The following DNAH14 variants were observed in gnomAD, a reference collection of about 807,000 sequenced individuals.
DNAH14 encodes axonemal beta dynein heavy chain 14.
In DNAH14, 478 loss-of-function variants were observed where a neutral mutation model predicts 520.9. That is an observed-to-expected ratio of 0.92 (90% CI 0.85 to 0.99). The LOEUF (loss-of-function observed/expected upper bound fraction) is 0.99, where lower values mean the gene tolerates loss of function less well. Among genes scored for constraint, DNAH14 ranks in the 50% least tolerant of loss-of-function variants. The probability of loss-of-function intolerance (pLI) is 0.00; values close to 1 mark genes in which losing one functional copy is unlikely to be tolerated. For missense variants in DNAH14, 4,831 were observed against 5,234.5 expected (o/e 0.92, Z 2.38); for synonymous variants, 1,581 against 1,757.2 (o/e 0.90, Z 2.51).
intron 27 of DNAH14, among the ~76,000 whole-genome samples, chr1:225,124,359 G>C (rs2077528320): frequency 6.6e-6 from 1 of 152,138 alleles, no homozygotes; most frequent in Admixed American, 6.5e-5. Flanking sequence ...CTAGCACTTT[G>C]CCCACAATGG....
chr1:225,202,290 G>A (rs756406960), intron 38 of DNAH14, among the ~76,000 whole-genome samples: 2 of 152,194 alleles, frequency 1.3e-5, no homozygotes, highest in South Asian at 4.1e-4. Flanking sequence ...CTACCAGGGT[G>A]GGTAGGGAAG....
Position 225,333,330 on chromosome 1 carries a change from T to C in DNAH14, c.9904T>C (p.Leu3302=), listed in dbSNP as rs1425207283. The C allele has an allele frequency of 1.3e-6, 2 of 1,551,610 alleles. No individual in the cohort carries two copies. Among genetic ancestry groups the C allele is most frequent in the Non-Finnish European group, 1.7e-6 (2 of 1,146,846 alleles). The change falls in exon 66 of 86, where the codon TTA becomes CTA. Residue 3302 remains leucine (L), a synonymous_variant. Transcript: ENST00000682510. The part of the protein sequence containing the change: ...QETINQIDNK[L]EGILGDILLS... Reference sequence around the variant, plus strand: ...AACAATCAATCAAATAGATAACAAATTAGAAGGAATTTTGGGTGACATACT... The same window carrying C: ...AACAATCAATCAAATAGATAACAAACTAGAAGGAATTTTGGGTGACATACT...
At chr1:225,247,356 C>A (rs2092344110) in intron 43 of DNAH14, among the ~76,000 whole-genome samples, 1 of 152,144 alleles carries the variant, frequency 6.6e-6, no homozygotes, top group East Asian at 1.9e-4. Context: ...AACAAACCTG[C>A]ACATTCTGCA....
At chr1:225,040,161 G>C (rs540221823) in intron 12 of DNAH14, among the ~76,000 whole-genome samples, 70 of 151,942 alleles carry the variant, frequency 4.6e-4, no homozygotes, top group Non-Finnish European at 8.1e-4. Context: ...GGATGGTCTT[G>C]ATCTCCTGAC....
At chr1:224,975,667 C>CA (rs1008823818) in intron 8 of DNAH14, among the ~76,000 whole-genome samples, 5 of 151,226 alleles carry the variant, frequency 3.3e-5, no homozygotes, top group East Asian at 3.9e-4. Context: ...TTGATCCTTT[C>CA]AAAAAACCAG....
rs535375763 is a variant in DNAH14, at chr1:225,338,123, A to C, written c.10374A>C (p.Lys3458Asn). The change falls in exon 68 of 86, where the codon AAA (lysine) becomes AAC (asparagine). Residue 3458 changes from lysine (K) to asparagine (N), a missense_variant. By Grantham distance (94) the Lys-to-Asn change is moderately conservative. Coordinates refer to ENST00000682510, the MANE Select transcript of DNAH14 (RefSeq NM_001367479.1). Reference protein sequence around the residue: ...KAILKKDIYQKKGHYFIRVGD... With the variant: ...KAILKKDIYQNKGHYFIRVGD... ...TTCTGAAAAAGGATATCTATCAGAA[A>C]AAAGGACACTATTTCATAAGGGTTG... is the stretch of plus-strand genomic sequence containing the variant. 42 of 1,551,756 alleles carry C rather than the reference A, an allele frequency of 2.7e-5. No homozygotes were observed. Among genetic ancestry groups the C allele is most frequent in the Non-Finnish European group, 3.6e-5 (41 of 1,146,994 alleles).
intron 73 of DNAH14, among the ~76,000 whole-genome samples, chr1:225,355,674 A>C (rs999190339): frequency 6.6e-6 from 1 of 152,206 alleles, no homozygotes. Flanking sequence ...TTAAAAAAAT[A>C]TATGTATACA....
intron 36 of DNAH14, among the ~76,000 whole-genome samples, chr1:225,179,375 A>G (rs1355508978): frequency 6.6e-6 from 1 of 151,956 alleles, no homozygotes; most frequent in Admixed American, 6.6e-5. Flanking sequence ...CTTTTTATTT[A>G]TAGTGTATCT....
intron 11 of DNAH14, among the ~76,000 whole-genome samples, chr1:225,025,438 T>G (rs2066028538): frequency 6.7e-6 from 1 of 149,516 alleles, no homozygotes; most frequent in South Asian, 2.1e-4. Context: ...CCAACAGAGG[T>G]TGAATAAATT....
intron 81 of DNAH14, among the ~76,000 whole-genome samples, chr1:225,385,479 C>G (rs1441150985): frequency 6.6e-6 from 1 of 152,036 alleles, no homozygotes. Flanking sequence ...TCTAGAAAAC[C>G]CCATCGTCTC....
intron 1 of DNAH14, among the ~76,000 whole-genome samples, chr1:224,931,251 ATG>A (rs2058679688): frequency 6.6e-6 from 1 of 152,200 alleles, no homozygotes; most frequent in Admixed American, 6.5e-5. Flanking sequence ...CAGCTGTACA[ATG>A]TGTGTTTTAA....
At chr1:225,060,955 G>A (rs1233655158) in intron 17 of DNAH14, among the ~76,000 whole-genome samples, 21 of 121,590 alleles carry the variant, frequency 1.7e-4, no homozygotes, top group African/African-American at 5.6e-4. Context: ...GGCTACTTGG[G>A]GGTCAGGGAA....
Position 225,082,564 on chromosome 1 carries a change from A to G in DNAH14, c.3152A>G (p.Asp1051Gly). Reference sequence around the variant, plus strand: ...TTATTTATAGGTTTACCTAAAAGCGATATGGTAACACATCTTAAGCAAGTG... The same window carrying G: ...TTATTTATAGGTTTACCTAAAAGCGGTATGGTAACACATCTTAAGCAAGTG... ...SVLEKGLPKSDMVTHLKQVVT... is the reference protein window; with the variant it reads ...SVLEKGLPKSGMVTHLKQVVT... Residue 1051 changes from aspartate to glycine, a missense_variant, in exon 20 of 86, where the codon GAT becomes GGT. Transcript: ENST00000682510. 1.3e-6 allele frequency: 2 copies of G among 1,549,664 alleles called. No individual in the cohort carries two copies. Among genetic ancestry groups the G allele is most frequent in the Non-Finnish European group, 8.7e-7 (1 of 1,146,208 alleles).
At chr1:225,090,031 C>A (rs141391479) in intron 21 of DNAH14, among the ~76,000 whole-genome samples, 1 of 151,830 alleles carries the variant, frequency 6.6e-6, no homozygotes, top group African/African-American at 2.4e-5. Context: ...ATTTGTATTC[C>A]GATGACATGA....
At chr1:225,335,346 TGTATATGCATATACAC>T (rs2094929929) in intron 66 of DNAH14, among the ~76,000 whole-genome samples, 1 of 74,968 alleles carries the variant, frequency 1.3e-5, no homozygotes, top group South Asian at 5.4e-4. Flanking sequence ...TACATGTGTG[TGTATATGCATATACAC>T]GTGTACATGT....
At chr1:225,015,604 A>G (rs1357508418) in intron 10 of DNAH14, among the ~76,000 whole-genome samples, 1 of 152,206 alleles carries the variant, frequency 6.6e-6, no homozygotes, top group Non-Finnish European at 1.5e-5. Flanking sequence ...GTGTGAGAGA[A>G]AAAAGATACA....
chr1:225,330,924 T>A (rs935360793), intron 64 of DNAH14, among the ~76,000 whole-genome samples: 1 of 152,104 alleles, frequency 6.6e-6, no homozygotes, highest in Non-Finnish European at 1.5e-5. Flanking sequence ...CCTAAATATA[T>A]ATATATACCT....
intron 9 of DNAH14, among the ~76,000 whole-genome samples, 179 bp downstream of exon 9, chr1:225,003,106 A>G (rs1052634289): frequency 6.6e-6 from 1 of 152,074 alleles, no homozygotes; most frequent in Non-Finnish European, 1.5e-5. Context: ...TTTAATAGTT[A>G]ACATTTCTTG....
chr1:225,016,981 C>T (rs1375683838), intron 10 of DNAH14, among the ~76,000 whole-genome samples: 1 of 151,664 alleles, frequency 6.6e-6, no homozygotes, highest in Non-Finnish European at 1.5e-5. Flanking sequence ...TATCTGTATT[C>T]TCATATATTT....
Sources: gnomAD v4.1 joint callset for allele counts (sites outside exome capture counted in the v4.1 genomes callset) on GRCh38, gnomAD v4.1.1 for gene constraint, MANE v1.5 for transcripts, NCBI Gene and HGNC (gene_info 2026-07-23, HGNC 2026-07-21) for gene names.